RPTOR: variants seen among roughly 807,000 people sequenced by gnomAD.
The protein encoded by RPTOR is regulatory associated protein of MTOR complex 1, also known as regulatory-associated protein of mTOR.
Under a neutral mutation model 169.9 loss-of-function variants are expected in RPTOR, and 21 were observed. That is an observed-to-expected ratio of 0.12 (90% CI 0.09 to 0.18). The LOEUF is 0.18. RPTOR is among the 10% of genes least tolerant of loss of function. The probability of loss-of-function intolerance (pLI) is 1.00; values close to 1 mark genes in which losing one functional copy is unlikely to be tolerated. For missense variants in RPTOR, 1,133 were observed against 1,855.9 expected, an observed-to-expected ratio of 0.61 and a Z score of 7.16; for synonymous variants, 732 against 753.2, an observed-to-expected ratio of 0.97 and a Z score of 0.46.
At chr17:80,580,747 C>T (rs763589267) in intron 1 of RPTOR, among the ~76,000 whole-genome samples, 29 of 152,112 alleles carry the variant, frequency 1.9e-4, no homozygotes, top group Non-Finnish European at 2.9e-4. Flanking sequence ...CTCAGCCTCC[C>T]GAGTAGCTGG....
chr17:80,822,170 A>G (rs1480915545), intron 7 of RPTOR, 31 bp from the exon 8 acceptor site: 5 of 1,592,692 alleles, frequency 3.1e-6, no homozygotes, highest in Non-Finnish European at 4.3e-6. Flanking sequence ...GAGCTGTGGC[A>G]TCACTCATGA....
At chr17:80,589,429 G>GTGTCCC (rs2065087738) in intron 1 of RPTOR, among the ~76,000 whole-genome samples, 1 of 152,100 alleles carries the variant, frequency 6.6e-6, no homozygotes, top group African/African-American at 2.4e-5. Context: ...TTGACTCCCT[G>GTGTCCC]TGTCCCTTTG....
chr17:80,832,746 C>T (rs778336660), intron 9 of RPTOR, among the ~76,000 whole-genome samples: 11 of 152,148 alleles, frequency 7.2e-5, no homozygotes, highest in East Asian at 1.9e-4. Flanking sequence ...GCTCTCTCCT[C>T]CCCTCATCAA....
chr17:80,961,472 G>C lies in RPTOR; in HGVS notation c.3684G>C (p.Val1228=). The C allele has an allele frequency of 1.9e-6, 3 of 1,550,572 alleles. No individual in the cohort carries two copies. Among genetic ancestry groups the C allele is most frequent in the Non-Finnish European group, 2.6e-6 (3 of 1,147,238 alleles). Residue 1228 remains valine (V), a synonymous_variant, in exon 31 of 34, where the codon GTG becomes GTC. Coordinates refer to ENST00000306801, the MANE Select transcript of RPTOR (RefSeq NM_020761.3). ...SLQKRPDGHI[V]SVSVNGDVRI... ...AGAAGCGTCCCGACGGCCACATCGT[G>C]AGTGTGAGGTGAGGAGCGCCGATAT...
intron 10 of RPTOR, among the ~76,000 whole-genome samples, chr17:80,841,180 C>T (rs2067645337): frequency 7.9e-6 from 1 of 126,918 alleles, no homozygotes. Context: ...CACCGCACGG[C>T]AGCTCACACT....
chr17:80,926,851 C>T (rs1473543321), intron 24 of RPTOR, among the ~76,000 whole-genome samples: 2 of 152,214 alleles, frequency 1.3e-5, no homozygotes, highest in Non-Finnish European at 2.9e-5. Context: ...TGTGCCTCTT[C>T]TGCAGTTTCT....
chr17:80,579,170 TTTTA>T (rs2064992393), intron 1 of RPTOR, among the ~76,000 whole-genome samples: 1 of 152,148 alleles, frequency 6.6e-6, no homozygotes, highest in South Asian at 2.1e-4. Flanking sequence ...CTTCCTGATC[TTTTA>T]TTTATTTATT....
chr17:80,822,207 T>A lies in RPTOR; in HGVS notation c.897T>A (p.Pro299=), dbSNP rs1165609005. Reference sequence around the variant, plus strand: ...AACGCCCCTTGTTTTCTAGGATCCCTGGCCGCCTGAACGACAGGAGGACGC... The same window carrying A: ...AACGCCCCTTGTTTTCTAGGATCCCAGGCCGCCTGAACGACAGGAGGACGC... ...GVTLDLIEKI[P]GRLNDRRTPL... Residue 299 remains proline (P), a synonymous_variant, in exon 8 of 34, where the codon CCT becomes CCA. Transcript: ENST00000306801. 2 of 1,613,996 alleles carry A rather than the reference T, an allele frequency of 1.2e-6. No individual in the cohort carries two copies. The highest frequency in any genetic ancestry group is 2.7e-5 in the African/African-American group (2 of 74,940).
intron 9 of RPTOR, among the ~76,000 whole-genome samples, chr17:80,830,662 G>A (rs775601216): frequency 3.3e-5 from 5 of 152,214 alleles, no homozygotes; most frequent in Non-Finnish European, 5.9e-5. Flanking sequence ...CAGTGGCTTC[G>A]AAAGGAGTTT....
rs746233523 is a variant in RPTOR, at chr17:80,960,045, G to GTA, written c.3478-33_3478-32insTA. On this transcript the variant is annotated intron_variant, in intron 29 of 33. Coordinates refer to ENST00000306801, the MANE Select transcript of RPTOR (RefSeq NM_020761.3). The surrounding 1 kb of genome is among the most constrained non-coding windows in gnomAD (Gnocchi z 4.8). ...AGCAGGGAGGGTGGCTCGGTGCCCC[G>GTA]GTCTTCACCGGGCTGCCTGTGTTTG... is the stretch of plus-strand genomic sequence containing the variant. 3.7e-6 allele frequency: 6 copies of GTA among 1,605,904 alleles called. No individual in the cohort carries two copies. In the South Asian group the frequency reaches 6.8e-5, roughly 18 times the overall value.
intron 29 of RPTOR, among the ~76,000 whole-genome samples, chr17:80,958,200 C>CG (rs1568010899): frequency 2.5e-5 from 1 of 39,652 alleles, no homozygotes; most frequent in Admixed American, 2.4e-4. Flanking sequence ...CCACCTCACC[C>CG]CCCCCCCCCA....
At position 80,959,029 on chromosome 17, in the gene RPTOR, C is replaced by T. The variant is rs2069296759; in HGVS notation, c.3478-1049C>T. 6.6e-6 allele frequency among the ~76,000 whole-genome samples: 1 copy of T among 152,332 alleles called. No homozygotes were observed. The highest frequency in any genetic ancestry group is 2.1e-4 in the South Asian group (1 of 4,828). On this transcript the variant is annotated intron_variant, in intron 29 of 33. Coordinates refer to ENST00000306801, the MANE Select transcript of RPTOR (RefSeq NM_020761.3). This position sits in a 1 kb window ranked among gnomAD's most constrained non-coding sequence, Gnocchi z 6.7. ...AGGAGGGATGGCTCAGCCCTGCTGC[C>T]GTAGAGGGCGGTGTGGAGCAGGCCC...
chr17:80,742,765 C>T (rs956606914), intron 5 of RPTOR, among the ~76,000 whole-genome samples: 11 of 151,984 alleles, frequency 7.2e-5, no homozygotes, highest in African/African-American at 1.9e-4. Context: ...CATATAGACA[C>T]GCACATGTAT....
chr17:80,580,087 C>A (rs535120187), intron 1 of RPTOR, among the ~76,000 whole-genome samples: 1 of 152,326 alleles, frequency 6.6e-6, no homozygotes, highest in South Asian at 2.1e-4. Context: ...TTCCTGATCT[C>A]ATCTCCTTTT....
chr17:80,715,674 T>A (rs183358520), intron 4 of RPTOR, among the ~76,000 whole-genome samples: 174 of 151,510 alleles, frequency 1.1e-3, no homozygotes, highest in Non-Finnish European at 2.0e-3. Context: ...AGTGGTAATT[T>A]GTGAGATTTT....
chr17:80,964,455 C>A lies in RPTOR; in HGVS notation c.*125C>A. The stretch of plus-strand genomic sequence containing the variant: ...TGAACGTTGGCTGCTGCCTTAGCTG[C>A]TGATGACGGCAGGAGGGCCCTGCTA... On this transcript the variant is annotated 3_prime_UTR_variant, in exon 34 of 34. Coordinates refer to ENST00000306801, the MANE Select transcript of RPTOR (RefSeq NM_020761.3). The A allele has an allele frequency of 1.1e-6, 1 of 901,108 alleles. No homozygotes were observed. Among genetic ancestry groups the A allele is most frequent in the Non-Finnish European group, 1.8e-6 (1 of 563,682 alleles). The allele number at this position is 901,108 out of a possible 1,614,324, so 55.8% of individuals were successfully genotyped here.
rs779587067 is a variant in RPTOR at position 80,844,666 on chromosome 17, C to T, written c.1213-1807C>T. On this transcript the variant is annotated intron_variant, in intron 10 of 33. Coordinates refer to ENST00000306801, the MANE Select transcript of RPTOR (RefSeq NM_020761.3). The surrounding 1 kb of genome is among the most constrained non-coding windows in gnomAD (Gnocchi z 4.7). ...CGGATTCCTACGTGGTGAATGTTCT[C>T]GGCTGACTTTTTAAGTCGGGCCACG... 3.3e-5 allele frequency among the ~76,000 whole-genome samples: 5 copies of T among 152,218 alleles called. No homozygotes were observed. The highest frequency in any genetic ancestry group is 7.2e-5 in the African/African-American group (3 of 41,462).
At chr17:80,930,338 T>C (rs2068871072) in intron 24 of RPTOR, among the ~76,000 whole-genome samples, 1 of 52,322 alleles carries the variant, frequency 1.9e-5, no homozygotes, top group African/African-American at 8.5e-5. Flanking sequence ...CATCCTCAGC[T>C]CATCCTCAGC....
chr17:80,726,663 C>A lies in RPTOR; in HGVS notation c.508-3897C>A, dbSNP rs557776132. 1.3e-5 allele frequency among the ~76,000 whole-genome samples: 2 copies of A among 152,140 alleles called. No individual in the cohort carries two copies. The highest frequency in any genetic ancestry group is 3.9e-4 in the East Asian group (2 of 5,174). ...GCAGCCCCCGTTTCACTGATGGTGGCGCAGAGGACGTTGTGAGGTGGCTGT... is the reference window on the plus strand; with the variant it reads ...GCAGCCCCCGTTTCACTGATGGTGGAGCAGAGGACGTTGTGAGGTGGCTGT... On this transcript the variant is annotated intron_variant, in intron 4 of 33. Coordinates refer to ENST00000306801, the MANE Select transcript of RPTOR (RefSeq NM_020761.3). The surrounding 1 kb of genome is among the most constrained non-coding windows in gnomAD (Gnocchi z 4.5).
Sources: gnomAD v4.1 joint callset for allele counts (sites outside exome capture counted in the v4.1 genomes callset) on GRCh38, gnomAD v4.1.1 for gene constraint, Gnocchi (gnomAD v3.1) non-coding constraint, MANE v1.5 for transcripts, NCBI Gene and HGNC (gene_info 2026-07-23, HGNC 2026-07-21) for gene names.